The following KCNT2 variants were observed in gnomAD, a reference collection of about 807,000 sequenced individuals.
KCNT2 encodes potassium sodium-activated channel subfamily T member 2.
In KCNT2, 67 loss-of-function variants were observed where a neutral mutation model predicts 153.8. The ratio of observed to expected loss-of-function variants is 0.44; its 90% CI spans 0.36 to 0.53. The LOEUF is 0.53. Ranked by LOEUF, KCNT2 falls within the 20% of genes least tolerant of loss-of-function variation. KCNT2 has a pLI of 0.00. For synonymous variants in KCNT2, 500 were observed against 458.8 expected, an observed-to-expected ratio of 1.09 and a Z score of -1.15; for missense variants, 975 against 1,354.8, an observed-to-expected ratio of 0.72 and a Z score of 4.40.
intron 14 of KCNT2, among the ~76,000 whole-genome samples, chr1:196,356,659 A>AT (rs1000280841): frequency 6.6e-6 from 1 of 151,750 alleles, no homozygotes; most frequent in Non-Finnish European, 1.5e-5. Flanking sequence ...ACAGAAAAGA[A>AT]TTTTTTCACA....
intron 1 of KCNT2, among the ~76,000 whole-genome samples, chr1:196,504,034 G>A (rs185955315): frequency 2.0e-5 from 3 of 152,244 alleles, no homozygotes; most frequent in African/African-American, 7.2e-5. Context: ...AGGGAAAATG[G>A]TCACTAATAT....
chr1:196,566,402 AAGG>A (rs1319418036), intron 1 of KCNT2, among the ~76,000 whole-genome samples: 1 of 152,084 alleles, frequency 6.6e-6, no homozygotes, highest in Non-Finnish European at 1.5e-5. Context: ...AGTCATGAAG[AAGG>A]AATGGGGATA....
intron 19 of KCNT2, among the ~76,000 whole-genome samples, chr1:196,321,449 G>C (rs1246515437): frequency 6.6e-6 from 1 of 151,964 alleles, no homozygotes; most frequent in Non-Finnish European, 1.5e-5. Flanking sequence ...GCTTTGTCTA[G>C]CAGAGAATAT....
intron 22 of KCNT2, among the ~76,000 whole-genome samples, chr1:196,289,891 A>C (rs75063542): frequency 0.02 from 3,079 of 152,176 alleles, 101 homozygotes; most frequent in African/African-American, 0.07. Flanking sequence ...ATGACATTTA[A>C]ATCATTAAAG....
intron 1 of KCNT2, among the ~76,000 whole-genome samples, chr1:196,510,045 T>C (rs1220419041): frequency 6.6e-6 from 1 of 152,086 alleles, no homozygotes; most frequent in Non-Finnish European, 1.5e-5. Flanking sequence ...TATTTTCTTA[T>C]TTAAGCAACA....
At chr1:196,269,314 A>G (rs1161508345) in intron 25 of KCNT2, among the ~76,000 whole-genome samples, 1 of 152,136 alleles carries the variant, frequency 6.6e-6, no homozygotes, top group African/African-American at 2.4e-5. Context: ...GGTATGGACT[A>G]TAGTGGCCCA....
rs138423510 is a variant in KCNT2, at chr1:196,464,207, A to G, written c.638+1086T>C. Among the ~76,000 whole-genome samples the G allele has an allele frequency of 6.0e-3, 906 of 151,940 alleles. 7 individuals carry two copies. The highest frequency in any genetic ancestry group is 0.017 in the Middle Eastern group (5 of 292). On this transcript the variant is annotated intron_variant, in intron 8 of 27. Coordinates refer to ENST00000294725, the MANE Select transcript of KCNT2 (RefSeq NM_198503.5). ...GAAATAATTGCAATGAGTGTTTCATATTAATGCAGTTAGATAATTGCTAGG... is the reference window on the plus strand; with the variant it reads ...GAAATAATTGCAATGAGTGTTTCATGTTAATGCAGTTAGATAATTGCTAGG...
chr1:196,463,684 A>C (rs116242147), intron 8 of KCNT2, among the ~76,000 whole-genome samples: 2,610 of 151,960 alleles, frequency 0.017, 77 homozygotes, highest in African/African-American at 0.059. Flanking sequence ...TCAATAATGA[A>C]TACATTATAT....
chr1:196,479,092 T>G, intron 5 of KCNT2, 87 bp downstream of exon 5: 1 of 858,870 alleles, frequency 1.2e-6, no homozygotes, highest in Non-Finnish European at 1.9e-6. Context: ...AGCCTTACCT[T>G]CCAGTGCGAA....
chr1:196,366,463 C>T (rs1668055447), intron 14 of KCNT2, among the ~76,000 whole-genome samples: 1 of 151,988 alleles, frequency 6.6e-6, no homozygotes, highest in African/African-American at 2.4e-5. Flanking sequence ...CCGGCTTTTG[C>T]TTGTCTTCTT....
At chr1:196,282,201 C>A in intron 24 of KCNT2, 72 bp downstream of exon 24, 1 of 708,116 alleles carries the variant, frequency 1.4e-6, no homozygotes, top group South Asian at 2.3e-5. Flanking sequence ...GAAGAATTAG[C>A]AAAGTACACG....
chr1:196,392,975 G>A (rs1670614557), intron 13 of KCNT2, among the ~76,000 whole-genome samples: 1 of 151,300 alleles, frequency 6.6e-6, no homozygotes, highest in African/African-American at 2.4e-5. Context: ...TTCTAGGCAG[G>A]TTTGAATTGC....
chr1:196,279,224 T>C (rs944279257), intron 25 of KCNT2, among the ~76,000 whole-genome samples: 1 of 152,196 alleles, frequency 6.6e-6, no homozygotes, highest in African/African-American at 2.4e-5. Context: ...AATATTGTTT[T>C]GAATCCAGTA....
At chr1:196,366,997 C>G (rs1240263303) in intron 14 of KCNT2, among the ~76,000 whole-genome samples, 1 of 152,144 alleles carries the variant, frequency 6.6e-6, no homozygotes, top group Non-Finnish European at 1.5e-5. Flanking sequence ...CCATTTCTGT[C>G]TGCCAAAACC....
intron 20 of KCNT2, among the ~76,000 whole-genome samples, chr1:196,317,603 A>G (rs962944344): frequency 2.6e-5 from 4 of 151,708 alleles, no homozygotes; most frequent in Non-Finnish European, 4.4e-5. Flanking sequence ...CATCTCCATT[A>G]TAATTACCTA....
At chr1:196,465,833 T>A (rs1677565251) in intron 7 of KCNT2, among the ~76,000 whole-genome samples, 1 of 151,894 alleles carries the variant, frequency 6.6e-6, no homozygotes, top group South Asian at 2.1e-4. Flanking sequence ...GCCCAGACAG[T>A]TTATTTTGAA....
chr1:196,506,748 C>T (rs1681178737), intron 1 of KCNT2, among the ~76,000 whole-genome samples: 1 of 152,144 alleles, frequency 6.6e-6, no homozygotes, highest in Admixed American at 6.6e-5. Flanking sequence ...TAAGTGAAGA[C>T]AGTTTGAGCA....
chr1:196,371,287 T>C (rs74468728), intron 14 of KCNT2, among the ~76,000 whole-genome samples: 4,247 of 141,864 alleles, frequency 0.03, 179 homozygotes, highest in African/African-American at 0.1. Flanking sequence ...TCCCAGCTAC[T>C]GTGGAGGCTG....
At chr1:196,511,517 A>C (rs1681629331) in intron 1 of KCNT2, among the ~76,000 whole-genome samples, 1 of 152,176 alleles carries the variant, frequency 6.6e-6, no homozygotes, top group African/African-American at 2.4e-5. Flanking sequence ...AGACAGAGAG[A>C]CATAATGAGA....
Sources: allele counts gnomAD v4.1 joint callset (sites outside exome capture counted in the v4.1 genomes callset), GRCh38; gene constraint gnomAD v4.1.1; transcripts MANE v1.5; gene names NCBI Gene and HGNC (gene_info 2026-07-23, HGNC 2026-07-21).